The following VPS13B variants were observed in gnomAD, a reference collection of about 807,000 sequenced individuals.
The protein encoded by VPS13B is intermembrane lipid transfer protein VPS13B.
Under a neutral mutation model 426.4 loss-of-function variants are expected in VPS13B, and 285 were observed. The observed-to-expected ratio is 0.67, with a 90% CI of 0.61 to 0.74. The LOEUF is 0.74. Ranked by LOEUF, VPS13B falls within the 30% of genes least tolerant of loss-of-function variation. The pLI is 0.00. For synonymous variants in VPS13B, 1,676 were observed against 1,676.4 expected (o/e 1.00, Z 0.01); for missense variants, 4,537 against 4,782.6 (o/e 0.95, Z 1.51).
intron 19 of VPS13B, among the ~76,000 whole-genome samples, chr8:99,294,262 C>T (rs13276569): frequency 1.1e-5 from 1 of 89,432 alleles, no homozygotes; most frequent in Admixed American, 1.0e-4. Flanking sequence ...AAATTGGAAA[C>T]CATCATTCTC....
At chr8:99,024,293 C>T (rs1842036730) in intron 2 of VPS13B, among the ~76,000 whole-genome samples, 6 of 152,212 alleles carry the variant, frequency 3.9e-5, no homozygotes, top group African/African-American at 1.4e-4. Context: ...TGTGCATGCG[C>T]ACATGTGTGC....
chr8:99,678,309 A>G (rs900289205), intron 35 of VPS13B, among the ~76,000 whole-genome samples: 10 of 152,034 alleles, frequency 6.6e-5, no homozygotes, highest in Non-Finnish European at 1.5e-5. Context: ...TATGCCTGCT[A>G]CTTCTCTGGT....
rs182707034 is a variant in VPS13B at position 99,829,386 on chromosome 8, C to T, written c.9331-2983C>T. 2.5e-3 allele frequency among the ~76,000 whole-genome samples: 378 copies of T among 152,226 alleles called. 1 individual carries two copies. Among genetic ancestry groups the T allele is most frequent in the African/African-American group, 7.5e-3 (313 of 41,528 alleles). ...TATCCTTTCTTCCACCTGATCAATT[C>T]GGCTATTGATACTTGTGTATGCTTC... On this transcript the variant is annotated intron_variant, in intron 51 of 61. Coordinates refer to ENST00000357162, the MANE Select transcript of VPS13B (RefSeq NM_152564.5).
Position 99,832,408 on chromosome 8 carries a change from C to T in VPS13B, c.9370C>T (p.Pro3124Ser), listed in dbSNP as rs771701590. Residue 3124 changes from proline (P) to serine (S), a missense_variant, in exon 52 of 62, where the codon CCA becomes TCA. This residue lies in a region of VPS13B where 4,311 missense variants were observed against 4,474.3 expected (regional missense o/e 0.96). Coordinates refer to ENST00000357162, the MANE Select transcript of VPS13B (RefSeq NM_152564.5). ...VPDSATFSIC[P>S]GGEQPAMKSS... is the part of the protein sequence containing the mutation. ...AGACAGTGCTACTTTTAGCATTTGC[C>T]CAGGTGGAGAGCAGCCTGCTATGAA... The T allele has an allele frequency of 6.6e-7, 1 of 1,507,830 alleles. No individual in the cohort carries two copies. Among genetic ancestry groups the T allele is most frequent in the South Asian group, 1.2e-5 (1 of 86,496 alleles). 93.4% of individuals were successfully genotyped at this position (1,507,830 alleles called of 1,614,324 possible). A position where few individuals can be genotyped will look rare whatever the true frequency, so the allele number is the denominator to read the frequency against.
At chr8:99,047,521 T>C (rs1024885954) in intron 3 of VPS13B, among the ~76,000 whole-genome samples, 2 of 152,150 alleles carry the variant, frequency 1.3e-5, no homozygotes, top group African/African-American at 4.8e-5. Flanking sequence ...TTGTTTCAGT[T>C]TAATTTATTT....
chr8:99,124,836 C>T (rs1167579307), intron 8 of VPS13B, among the ~76,000 whole-genome samples: 7 of 143,814 alleles, frequency 4.9e-5, no homozygotes, highest in Non-Finnish European at 9.0e-5. Context: ...GAGCTGAGAT[C>T]ACGCCATTGC....
At chr8:99,373,738 A>G (rs1813322062) in intron 19 of VPS13B, among the ~76,000 whole-genome samples, 1 of 152,130 alleles carries the variant, frequency 6.6e-6, no homozygotes, top group Non-Finnish European at 1.5e-5. Context: ...GGCACCCCTG[A>G]GCCTGAGATG....
At chr8:99,697,739 G>T in intron 35 of VPS13B, 1 of 622,740 alleles carries the variant, frequency 1.6e-6, no homozygotes, top group South Asian at 1.6e-5. Flanking sequence ...GGCCTAGGGC[G>T]CGCCCGTAGG....
At chr8:99,402,622 G>A (rs1815098941) in intron 21 of VPS13B, among the ~76,000 whole-genome samples, 1 of 151,944 alleles carries the variant, frequency 6.6e-6, no homozygotes, top group South Asian at 2.1e-4. Context: ...GATAGTGAAA[G>A]AAGTCTTTCC....
chr8:99,566,652 A>G (rs554696270), intron 31 of VPS13B, among the ~76,000 whole-genome samples: 35 of 152,184 alleles, frequency 2.3e-4, no homozygotes, highest in Non-Finnish European at 4.6e-4. Flanking sequence ...CATGTTGGCC[A>G]GGCTGGTCTT....
chr8:99,027,195 T>C (rs1357126172), intron 2 of VPS13B, among the ~76,000 whole-genome samples: 1 of 152,218 alleles, frequency 6.6e-6, no homozygotes, highest in Non-Finnish European at 1.5e-5. Flanking sequence ...GTTTTGGTAA[T>C]CCATTCATCC....
At position 99,135,097 on chromosome 8, in the gene VPS13B, GTGT is replaced by G; in HGVS notation, c.1387_1389del (p.Val463del). The stretch of plus-strand genomic sequence containing the variant: ...GCCATGTGCCTTAAAGGAATTATGG[GTGT>G]TAAAGATTTTGAAGAGAATATGAAT... On this transcript the variant is annotated inframe_deletion, in exon 10 of 62. Transcript: ENST00000357162. 1 of 1,613,548 alleles carries G rather than the reference GTGT, an allele frequency of 6.2e-7. No homozygotes were observed. Among genetic ancestry groups the G allele is most frequent in the African/African-American group, 1.3e-5 (1 of 75,028 alleles).
intron 36 of VPS13B, among the ~76,000 whole-genome samples, chr8:99,708,116 C>T (rs1307644857): frequency 1.3e-5 from 2 of 152,224 alleles, no homozygotes; most frequent in Middle Eastern, 3.4e-3. Flanking sequence ...ATTATTCTTT[C>T]CTATGTAAGA....
At chr8:99,133,637 G>T (rs1809919371) in intron 8 of VPS13B, among the ~76,000 whole-genome samples, 1 of 152,002 alleles carries the variant, frequency 6.6e-6, no homozygotes, top group African/African-American at 2.4e-5. Flanking sequence ...TAAATACTTA[G>T]ACCATTGTAA....
intron 2 of VPS13B, among the ~76,000 whole-genome samples, chr8:99,016,870 T>C (rs914676619): frequency 6.6e-6 from 1 of 152,212 alleles, no homozygotes; most frequent in Admixed American, 6.5e-5. Flanking sequence ...GTTACAGGCA[T>C]GAGCCACTGC....
intron 19 of VPS13B, among the ~76,000 whole-genome samples, chr8:99,291,151 G>A (rs1389877287): frequency 6.6e-6 from 1 of 151,994 alleles, no homozygotes; most frequent in African/African-American, 2.4e-5. Flanking sequence ...GAATATTAAT[G>A]GGTTGGAATT....
intron 23 of VPS13B, among the ~76,000 whole-genome samples, chr8:99,462,948 A>G (rs895839402): frequency 2.0e-5 from 3 of 152,194 alleles, no homozygotes; most frequent in Non-Finnish European, 2.9e-5. Context: ...GCTCTTAGAG[A>G]TGGATGTCTA....
chr8:99,776,814 A>G lies in VPS13B; in HGVS notation c.7287A>G (p.Pro2429=). Residue 2429 remains proline, a synonymous_variant, in exon 41 of 62, where the codon CCA becomes CCG. Coordinates refer to ENST00000357162, the MANE Select transcript of VPS13B (RefSeq NM_152564.5). ...SESGSQSTCD[P]LVTPTALAAC... is the part of the protein sequence containing the mutation. ...CTGGTTCTCAAAGCACTTGTGATCC[A>G]CTTGTGACTCCAACAGCCCTGGCTG... 1.2e-6 allele frequency: 2 copies of G among 1,614,010 alleles called. No individual in the cohort carries two copies. Among genetic ancestry groups the G allele is most frequent in the Non-Finnish European group, 1.7e-6 (2 of 1,179,960 alleles).
At chr8:99,421,527 C>G (rs1433793269) in intron 21 of VPS13B, among the ~76,000 whole-genome samples, 4 of 152,144 alleles carry the variant, frequency 2.6e-5, no homozygotes, top group Non-Finnish European at 1.5e-5. Flanking sequence ...TGGAACCAGT[C>G]TGCTTAGATT....
Sources: allele counts gnomAD v4.1 joint callset (sites outside exome capture counted in the v4.1 genomes callset), GRCh38; gene constraint gnomAD v4.1.1; regional missense constraint gnomAD v4.1.1; transcripts MANE v1.5; gene names NCBI Gene and HGNC (gene_info 2026-07-23, HGNC 2026-07-21).